The following SOX6 variants were observed in gnomAD, a reference collection of about 807,000 sequenced individuals.
The protein encoded by SOX6 is SRY-box transcription factor 6.
A neutral mutation model predicts 97.8 loss-of-function variants in SOX6; 11 were observed. The observed-to-expected ratio is 0.11, with a 90% CI of 0.07 to 0.19. The LOEUF is 0.19. Ranked by LOEUF, SOX6 falls within the 10% of genes least tolerant of loss-of-function variation. The probability of loss-of-function intolerance (pLI) is 1.00; values close to 1 mark genes in which losing one functional copy is unlikely to be tolerated. For synonymous variants in SOX6, 360 were observed against 371.4 expected, an observed-to-expected ratio of 0.97 and a Z score of 0.35; for missense variants, 810 against 1,039.5, an observed-to-expected ratio of 0.78 and a Z score of 3.04.
intron 4 of SOX6, among the ~76,000 whole-genome samples, chr11:16,496,823 G>C (rs1379290439): frequency 6.6e-6 from 1 of 152,188 alleles, no homozygotes; most frequent in Admixed American, 6.5e-5. Context: ...CCACTGGGAA[G>C]CTCAAACTGG....
At chr11:16,237,947 A>G (rs1196367821) in intron 3 of SOX6, among the ~76,000 whole-genome samples, 1 of 151,898 alleles carries the variant, frequency 6.6e-6, no homozygotes, top group African/African-American at 2.4e-5. Flanking sequence ...CAGCATGAAA[A>G]ATGTCACCAT....
chr11:16,415,572 C>G (rs1277763953), intron 1 of SOX6, among the ~76,000 whole-genome samples: 1 of 151,830 alleles, frequency 6.6e-6, no homozygotes, highest in African/African-American at 2.4e-5. Flanking sequence ...TGAATGTTCT[C>G]AAAACAAAAA....
chr11:16,625,698 G>C (rs1344981894), intron 3 of SOX6, among the ~76,000 whole-genome samples: 1 of 152,196 alleles, frequency 6.6e-6, no homozygotes, highest in Non-Finnish European at 1.5e-5. Flanking sequence ...TCATGCCTAT[G>C]TAGTGAAGCC....
intron 6 of SOX6, among the ~76,000 whole-genome samples, chr11:16,145,574 G>C (rs1163382590): frequency 6.6e-6 from 1 of 152,178 alleles, no homozygotes; most frequent in Non-Finnish European, 1.5e-5. Context: ...TCTGTTTGTA[G>C]ATGACCTGAT....
chr11:16,339,213 T>G (rs1198615811), intron 2 of SOX6, among the ~76,000 whole-genome samples: 2 of 152,066 alleles, frequency 1.3e-5, no homozygotes, highest in African/African-American at 2.4e-5. Context: ...AGACTTTATC[T>G]GTTTGAAATG....
At chr11:16,685,741 C>A (rs962853657) in intron 3 of SOX6, among the ~76,000 whole-genome samples, 1 of 152,262 alleles carries the variant, frequency 6.6e-6, no homozygotes, top group African/African-American at 2.4e-5. Flanking sequence ...GGCCTCACAG[C>A]TCCGCTAGGC....
intron 4 of SOX6, among the ~76,000 whole-genome samples, chr11:16,509,704 A>C (rs935332650): frequency 6.6e-6 from 1 of 152,066 alleles, no homozygotes; most frequent in Non-Finnish European, 1.5e-5. Context: ...AATAGTTTTT[A>C]AATTTTATTT....
At chr11:15,983,111 G>A (rs1213549476) in intron 15 of SOX6, among the ~76,000 whole-genome samples, 1 of 151,954 alleles carries the variant, frequency 6.6e-6, no homozygotes, top group African/African-American at 2.4e-5. Flanking sequence ...TTCTGTAGTT[G>A]GAGAAGCCAG....
intron 3 of SOX6, among the ~76,000 whole-genome samples, chr11:16,259,472 T>TA (rs934101689): frequency 6.6e-6 from 1 of 151,874 alleles, no homozygotes; most frequent in African/African-American, 2.4e-5. Flanking sequence ...CCATAATCAG[T>TA]AAAAAAAATT....
At chr11:16,496,582 T>C (rs1030262601) in intron 4 of SOX6, among the ~76,000 whole-genome samples, 4 of 152,044 alleles carry the variant, frequency 2.6e-5, no homozygotes, top group African/African-American at 9.7e-5. Context: ...AAGAAAGGGG[T>C]GACAGACAAC....
chr11:16,302,235 G>A (rs186127104), intron 3 of SOX6, among the ~76,000 whole-genome samples: 3 of 152,176 alleles, frequency 2.0e-5, no homozygotes, highest in East Asian at 3.9e-4. Context: ...CAATTATGTC[G>A]ATCATCCTCC....
At chr11:16,646,969 T>C (rs1040524010) in intron 3 of SOX6, among the ~76,000 whole-genome samples, 17 of 152,248 alleles carry the variant, frequency 1.1e-4, no homozygotes, top group Non-Finnish European at 2.1e-4. Context: ...CACACTGTTT[T>C]CCATAGTAGT....
intron 4 of SOX6, among the ~76,000 whole-genome samples, chr11:16,517,462 G>A (rs1318507309): frequency 7.9e-5 from 12 of 152,342 alleles, no homozygotes; most frequent in African/African-American, 2.6e-4. Flanking sequence ...AGAGAGGAAT[G>A]TGATGATAGA....
At chr11:16,698,236 T>TA (rs1848068238) in intron 3 of SOX6, among the ~76,000 whole-genome samples, 1 of 152,206 alleles carries the variant, frequency 6.6e-6, no homozygotes, top group Non-Finnish European at 1.5e-5. Context: ...ATCTTCTGGG[T>TA]AACTTACTGC....
chr11:16,312,256 T>C (rs1301746315), intron 3 of SOX6: 1 of 152,184 alleles, frequency 6.6e-6, no homozygotes, highest in Non-Finnish European at 1.5e-5. Flanking sequence ...GCTTTGTCAC[T>C]CTCTCCTAAT....
rs1017714139 is a variant in SOX6, at chr11:15,970,009, A to T, written c.*2800T>A. On this transcript the variant is annotated 3_prime_UTR_variant, in exon 16 of 16. Transcript: ENST00000683767. Reference sequence around the variant, plus strand: ...ACTGAGGCAGAGCTGGAGCTAAAACAAAGTGTTCATACACACATGTATTTT... The same window carrying T: ...ACTGAGGCAGAGCTGGAGCTAAAACTAAGTGTTCATACACACATGTATTTT... 5 of 152,242 alleles carry T rather than the reference A, an allele frequency of 3.3e-5. No homozygotes were observed. The highest frequency in any genetic ancestry group is 7.3e-5 in the Non-Finnish European group (5 of 68,042). The allele number at this position is 152,242 out of a possible 1,614,324, so 9.4% of individuals were successfully genotyped here. A position where few individuals can be genotyped will look rare whatever the true frequency, so the allele number is the denominator to read the frequency against.
chr11:16,336,940 C>T (rs1454016715), intron 2 of SOX6, among the ~76,000 whole-genome samples: 1 of 152,084 alleles, frequency 6.6e-6, no homozygotes, highest in Non-Finnish European at 1.5e-5. Context: ...AAATAACTTC[C>T]CCAGTCTTTT....
chr11:16,074,133 A>C (rs2133946021), intron 9 of SOX6, among the ~76,000 whole-genome samples: 1 of 152,286 alleles, frequency 6.6e-6, no homozygotes, highest in South Asian at 2.1e-4. Flanking sequence ...AGATGCAAAA[A>C]ACCATACAAA....
chr11:16,601,991 C>T (rs1848275979), intron 4 of SOX6, among the ~76,000 whole-genome samples: 2 of 152,144 alleles, frequency 1.3e-5, no homozygotes, highest in African/African-American at 4.8e-5. Flanking sequence ...AATTTTCCTA[C>T]TTAATCTCAT....
Sources: gnomAD v4.1 joint callset for allele counts (sites outside exome capture counted in the v4.1 genomes callset) on GRCh38, gnomAD v4.1.1 for gene constraint, MANE v1.5 for transcripts, NCBI Gene and HGNC (gene_info 2026-07-23, HGNC 2026-07-21) for gene names.